SSH1: variants seen among roughly 807,000 people sequenced by gnomAD.
SSH1 encodes the protein slingshot protein phosphatase 1, also known as protein phosphatase Slingshot homolog 1.
In SSH1, 43 loss-of-function variants were observed where a neutral mutation model predicts 79.7. The observed-to-expected ratio is 0.54, with a 90% CI of 0.42 to 0.70. The LOEUF (loss-of-function observed/expected upper bound fraction) is 0.70, where lower values mean the gene tolerates loss of function less well. Among genes scored for constraint, SSH1 ranks in the 30% least tolerant of loss-of-function variants. The pLI, the probability that SSH1 is intolerant of heterozygous loss-of-function variation, is 0.00. For missense variants in SSH1, 1,206 were observed against 1,358.8 expected, an observed-to-expected ratio of 0.89 and a Z score of 1.77; for synonymous variants, 599 against 538.3, an observed-to-expected ratio of 1.11 and a Z score of -1.56.
At chr12:108,791,815 G>T in intron 14 of SSH1, 1 of 457,718 alleles carries the variant, frequency 2.2e-6, no homozygotes, top group East Asian at 6.5e-5. Context: ...TTTAGATACA[G>T]GTATCTATAT....
In SSH1 at chr12:108,787,131, C is replaced by CG. The variant is rs2036299749; in HGVS notation, c.*856_*857insC. ...TCAGAACCACCACCTGAGCCAGACA[C>CG]TTGAGCAATTTCAAACCTAAACACA... is the stretch of plus-strand genomic sequence containing the variant. On this transcript the variant is annotated 3_prime_UTR_variant, in exon 15 of 15. Transcript: ENST00000326495. 1 of 152,288 alleles carries CG rather than the reference C, an allele frequency of 6.6e-6. No individual in the cohort carries two copies. Among genetic ancestry groups the CG allele is most frequent in the Non-Finnish European group, 1.5e-5 (1 of 68,076 alleles). The allele number at this position is 152,288 out of a possible 1,614,324, so 9.4% of individuals were successfully genotyped here.
chr12:108,852,738 G>A, intron 1 of SSH1, 60 bp from the exon 2 acceptor site: 1 of 1,611,710 alleles, frequency 6.2e-7, no homozygotes, highest in Non-Finnish European at 8.5e-7. Flanking sequence ...GCCTCGGGCG[G>A]CAGTCTCACA....
At chr12:108,828,689 A>G (rs566173150) in intron 2 of SSH1, among the ~76,000 whole-genome samples, 4 of 152,298 alleles carry the variant, frequency 2.6e-5, no homozygotes, top group African/African-American at 9.6e-5. Flanking sequence ...CCACAGCCTT[A>G]TCCTACCCAC....
chr12:108,823,315 G>C lies in SSH1; in HGVS notation c.157C>G (p.Gln53Glu). The C allele has an allele frequency of 6.3e-7, 1 of 1,587,816 alleles. No homozygotes were observed. The highest frequency in any genetic ancestry group is 2.3e-5 in the East Asian group (1 of 44,370). ...TGGCCTTGAGGGCTGCTTCCCTGTT[G>C]TAAGAAGAGGGCTGCGCCTTTCACC... ...FMVKGAALFL[Q>E]QGSSPQGQRS... The change falls in exon 3 of 15, where the codon CAA (glutamine) becomes GAA (glutamate). Residue 53 changes from glutamine to glutamate, a missense_variant. Around this residue, in one of 5 missense-constraint regions of SSH1, gnomAD observed 100 missense variants for 82.3 expected, o/e 1.21. Coordinates refer to ENST00000326495, the MANE Select transcript of SSH1 (RefSeq NM_018984.4).
intron 14 of SSH1, among the ~76,000 whole-genome samples, chr12:108,789,798 C>T (rs1417862444): frequency 2.0e-5 from 3 of 152,168 alleles, no homozygotes; most frequent in Admixed American, 2.0e-4. Context: ...CCCACCCCGC[C>T]TGCACAGGAC....
Position 108,832,045 on chromosome 12 carries a change from T to C in SSH1, c.111-8684A>G, listed in dbSNP as rs575347742. On this transcript the variant is annotated intron_variant, in intron 2 of 14. Coordinates refer to ENST00000326495, the MANE Select transcript of SSH1 (RefSeq NM_018984.4). The stretch of plus-strand genomic sequence containing the variant: ...TAGCTTTCTAGTTATAGAGAGTTTG[T>C]CCCTACATTTTTCCACTTAATTTTT... Among the ~76,000 whole-genome samples the C allele has an allele frequency of 5.3e-5, 8 of 152,294 alleles. No individual in the cohort carries two copies. In the East Asian group the frequency reaches 1.4e-3, roughly 26 times the overall value.
At chr12:108,847,082 G>T (rs1237972890) in intron 2 of SSH1, among the ~76,000 whole-genome samples, 2 of 151,920 alleles carry the variant, frequency 1.3e-5, no homozygotes, top group Non-Finnish European at 2.9e-5. Flanking sequence ...TTTTTTTTGC[G>T]GAGATGGGGT....
At chr12:108,803,716 G>A (rs2037132603) in intron 10 of SSH1, among the ~76,000 whole-genome samples, 1 of 152,192 alleles carries the variant, frequency 6.6e-6, no homozygotes, top group South Asian at 2.1e-4. Context: ...GAGAAAGAAG[G>A]AAGGTGCCTT....
rs1312521391 is a variant in SSH1 at position 108,818,227 on chromosome 12, T to C, written c.279+22A>G. 2.5e-6 allele frequency: 4 copies of C among 1,612,052 alleles called. No homozygotes were observed. The African/African-American group carries it at 5.3e-5, about 22-fold the overall frequency. ...AAAATTAAAAAAAAATTTTTTAACT[T>C]GACATTCTCACTGCTTCTTACCAGC... On this transcript the variant is annotated intron_variant, in intron 4 of 14. Coordinates refer to ENST00000326495, the MANE Select transcript of SSH1 (RefSeq NM_018984.4).
chr12:108,812,369 G>A (rs1017912095), intron 5 of SSH1, among the ~76,000 whole-genome samples: 1 of 152,246 alleles, frequency 6.6e-6, no homozygotes, highest in African/African-American at 2.4e-5. Context: ...AAATCCGACA[G>A]GCAGAAGCCA....
chr12:108,804,736 G>A (rs1326055596), intron 10 of SSH1, among the ~76,000 whole-genome samples: 3 of 152,186 alleles, frequency 2.0e-5, no homozygotes, highest in Non-Finnish European at 4.4e-5. Flanking sequence ...ACTGGATGGG[G>A]CCTATGTGTT....
At position 108,788,280 on chromosome 12, in the gene SSH1, T is replaced by C; in HGVS notation, c.2858A>G (p.Gln953Arg). 1.2e-6 allele frequency: 2 copies of C among 1,613,738 alleles called. No homozygotes were observed. The highest frequency in any genetic ancestry group is 1.1e-5 in the South Asian group (1 of 91,082). ...CCGGGTCTCAATCTCCTGTGTCCGCTGCTTCACCAGCCCGGGCTTCCCACG... is the reference window on the plus strand; with the variant it reads ...CCGGGTCTCAATCTCCTGTGTCCGCCGCTTCACCAGCCCGGGCTTCCCACG... ...SVRGKPGLVK[Q>R]RTQEIETRLR... Residue 953 changes from glutamine to arginine, a missense_variant, in exon 15 of 15, where the codon CAG becomes CGG. Physicochemically the swap from Gln to Arg is conservative, Grantham distance 43 (BLOSUM62 1). Transcript: ENST00000326495.
chr12:108,828,782 C>T (rs2038397990), intron 2 of SSH1, among the ~76,000 whole-genome samples: 1 of 152,212 alleles, frequency 6.6e-6, no homozygotes, highest in Non-Finnish European at 1.5e-5. Context: ...GTAAACCACA[C>T]AGCCACGCTG....
intron 2 of SSH1, among the ~76,000 whole-genome samples, chr12:108,836,224 C>CA (rs1190034723): frequency 6.6e-6 from 1 of 151,956 alleles, no homozygotes; most frequent in East Asian, 1.9e-4. Context: ...AGTCTGAACT[C>CA]ATAGTTTTCA....
At chr12:108,824,480 G>A (rs1481881065) in intron 2 of SSH1, among the ~76,000 whole-genome samples, 2 of 151,488 alleles carry the variant, frequency 1.3e-5, no homozygotes, top group Non-Finnish European at 2.9e-5. Flanking sequence ...AAGAAAGAAA[G>A]AAAGAAAAAA....
At chr12:108,834,676 G>A (rs1221175529) in intron 2 of SSH1, among the ~76,000 whole-genome samples, 2 of 152,144 alleles carry the variant, frequency 1.3e-5, no homozygotes, top group African/African-American at 4.8e-5. Context: ...TAGGAACCTA[G>A]GAACCCAAGT....
chr12:108,793,411 T>C (rs1177277893), intron 13 of SSH1, among the ~76,000 whole-genome samples: 1 of 151,660 alleles, frequency 6.6e-6, no homozygotes, highest in African/African-American at 2.4e-5. Context: ...TTTTTTTTTT[T>C]TTTGAGATGA....
intron 2 of SSH1, among the ~76,000 whole-genome samples, chr12:108,842,901 G>A (rs993564595): frequency 1.3e-5 from 2 of 152,180 alleles, no homozygotes; most frequent in Non-Finnish European, 2.9e-5. Context: ...TGTCCTTACA[G>A]GGTTTTCACA....
chr12:108,802,106 G>A (rs112517031), intron 11 of SSH1, among the ~76,000 whole-genome samples: 3 of 152,188 alleles, frequency 2.0e-5, no homozygotes, highest in African/African-American at 4.8e-5. Flanking sequence ...ACGATCACGC[G>A]AGACTTCGGC....
Sources: gnomAD v4.1 joint callset for allele counts (sites outside exome capture counted in the v4.1 genomes callset) on GRCh38, gnomAD v4.1.1 for gene constraint, gnomAD v4.1.1 regional missense constraint, MANE v1.5 for transcripts, NCBI Gene and HGNC (gene_info 2026-07-23, HGNC 2026-07-21) for gene names.